Variants in DZIP1L observed in about 807,000 individuals in gnomAD.
DZIP1L encodes cilium assembly protein DZIP1L.
A neutral mutation model predicts 88.7 loss-of-function variants in DZIP1L; 90 were observed. The ratio of observed to expected loss-of-function variants is 1.02; its 90% CI spans 0.86 to 1.21. The LOEUF is 1.21. Among genes scored for constraint, DZIP1L ranks in the 50% most tolerant of loss-of-function variants. The pLI is 0.00. For missense variants in DZIP1L, 932 were observed against 955.8 expected, an observed-to-expected ratio of 0.98 and a Z score of 0.33; for synonymous variants, 363 against 372.1, an observed-to-expected ratio of 0.98 and a Z score of 0.28.
chr3:138,089,138 C>T (rs931301069), intron 5 of DZIP1L: 1 of 985,410 alleles, frequency 1.0e-6, no homozygotes, highest in Non-Finnish European at 1.2e-6. Flanking sequence ...CTGTATAAAA[C>T]TCATAAGCCC....
At chr3:138,071,352 G>A (rs1408980242) in intron 12 of DZIP1L, among the ~76,000 whole-genome samples, 1 of 152,192 alleles carries the variant, frequency 6.6e-6, no homozygotes, top group Non-Finnish European at 1.5e-5. Context: ...TGCTAAGGGA[G>A]GCAGCATGTC....
chr3:138,072,776 C>T (rs1943238620), intron 11 of DZIP1L, among the ~76,000 whole-genome samples: 1 of 152,254 alleles, frequency 6.6e-6, no homozygotes, highest in South Asian at 2.1e-4. Context: ...GGCAAGTTCC[C>T]AGCCCTGGTC....
intron 12 of DZIP1L, among the ~76,000 whole-genome samples, chr3:138,070,569 A>AT (rs1296806168): frequency 6.6e-6 from 1 of 152,234 alleles, no homozygotes; most frequent in East Asian, 1.9e-4. Flanking sequence ...ATGAGCTCAC[A>AT]GGATTGCTAT....
At position 138,071,775 on chromosome 3, in the gene DZIP1L, G is replaced by A. The variant is rs753058491; in HGVS notation, c.1483C>T (p.Arg495Trp). The A allele has an allele frequency of 5.3e-5, 86 of 1,613,982 alleles. 1 individual carries two copies. Among genetic ancestry groups the A allele is most frequent in the Admixed American group, 8.3e-5 (5 of 60,010 alleles). The change falls in exon 12 of 16, where the codon CGG (arginine) becomes TGG (tryptophan). Residue 495 changes from arginine (R) to tryptophan (W), a missense_variant. Transcript: ENST00000327532. ...RHLESLLRVQREQKARKFSEF... is the reference protein window; with the variant it reads ...RHLESLLRVQWEQKARKFSEF... ...GAAAACTTCCGGGCCTTCTGCTCCC[G>A]CTGGACTCTCAGCAGGGATTCCAGG...
intron 11 of DZIP1L, 90 bp from the exon 12 acceptor site, chr3:138,071,925 G>T: frequency 7.6e-7 from 1 of 1,307,648 alleles, no homozygotes; most frequent in East Asian, 2.5e-5. Context: ...GCTGGCCTGG[G>T]AGTCTGTGAT....
intron 3 of DZIP1L, among the ~76,000 whole-genome samples, chr3:138,095,296 TTGACAGTAC>T (rs202020792): frequency 0.019 from 2,965 of 152,276 alleles, 99 homozygotes; most frequent in African/African-American, 0.068. Flanking sequence ...AATAAGTATT[TTGACAGTAC>T]TGACACGTGG....
At chr3:138,069,637 C>T (rs774255465) in intron 12 of DZIP1L, among the ~76,000 whole-genome samples, 31 of 152,188 alleles carry the variant, frequency 2.0e-4, no homozygotes, top group Non-Finnish European at 4.0e-4. Flanking sequence ...ACTTTACATA[C>T]AACCACTTGG....
At chr3:138,111,239 G>A (rs1455676705) in intron 1 of DZIP1L, among the ~76,000 whole-genome samples, 1 of 152,242 alleles carries the variant, frequency 6.6e-6, no homozygotes, top group Non-Finnish European at 1.5e-5. Context: ...GGGTCTTGAA[G>A]TAATGGGGCT....
rs750543921 is a variant in DZIP1L at position 138,092,509 on chromosome 3, A to T, written c.744T>A (p.Ala248=). The T allele has an allele frequency of 1.2e-6, 2 of 1,603,468 alleles. No individual in the cohort carries two copies. The highest frequency in any genetic ancestry group is 2.7e-5 in the African/African-American group (2 of 74,484). The change falls in exon 5 of 16, where the codon GCT becomes GCA. Residue 248 remains alanine (A), a synonymous_variant. Transcript: ENST00000327532. ...AELIHQREIE[A]KKEFDKWKEQ... The stretch of plus-strand genomic sequence containing the variant: ...CTTTCCATTTATCAAATTCTTTCTT[A>T]GCTTCTATTTCCCTCTGATGAATGA...
At chr3:138,069,765 C>A (rs761668675) in intron 12 of DZIP1L, among the ~76,000 whole-genome samples, 4 of 152,164 alleles carry the variant, frequency 2.6e-5, no homozygotes, top group Non-Finnish European at 2.9e-5. Context: ...GGGCCCTCAC[C>A]GCTACTTCCC....
chr3:138,105,737 C>A (rs934920087), intron 1 of DZIP1L, among the ~76,000 whole-genome samples: 1 of 151,710 alleles, frequency 6.6e-6, no homozygotes, highest in African/African-American at 2.4e-5. Context: ...TATATATACA[C>A]CCATACACAC....
intron 12 of DZIP1L, among the ~76,000 whole-genome samples, chr3:138,069,886 GA>G (rs1167346766): frequency 6.6e-6 from 1 of 152,152 alleles, no homozygotes; most frequent in Non-Finnish European, 1.5e-5. Flanking sequence ...GAGCTGGAAG[GA>G]AAGGTCTACA....
intron 3 of DZIP1L, among the ~76,000 whole-genome samples, chr3:138,095,694 A>T (rs1944439311): frequency 6.6e-6 from 1 of 152,036 alleles, no homozygotes. Flanking sequence ...AGGCAAAAGA[A>T]TCGCTTGAAC....
At chr3:138,075,122 T>G (rs372118798) in intron 11 of DZIP1L, among the ~76,000 whole-genome samples, 8 of 152,274 alleles carry the variant, frequency 5.3e-5, no homozygotes, top group South Asian at 4.1e-4. Context: ...TAAATATATA[T>G]GCACCTAACA....
chr3:138,085,126 A>C (rs763585019), intron 7 of DZIP1L, among the ~76,000 whole-genome samples: 5 of 152,206 alleles, frequency 3.3e-5, no homozygotes, highest in Non-Finnish European at 7.3e-5. Context: ...TAAAGTCTTA[A>C]ACGTTAGACC....
Position 138,094,963 on chromosome 3 carries a change from G to C in DZIP1L, c.607C>G (p.Gln203Glu), listed in dbSNP as rs1282885844. The C allele has an allele frequency of 4.3e-6, 7 of 1,614,100 alleles. No individual in the cohort carries two copies. The highest frequency in any genetic ancestry group is 5.9e-6 in the Non-Finnish European group (7 of 1,180,052). The change falls in exon 4 of 16, where the codon CAG becomes GAG. Residue 203 changes from glutamine (Q) to glutamate (E), a missense_variant. Coordinates refer to ENST00000327532, the MANE Select transcript of DZIP1L (RefSeq NM_173543.3). ...AEGGKQKKQE[Q>E]PVEEVLEELR... ...TCTTCTAACACCTCTTCCACTGGCT[G>C]TTCCTGTTTCTTCTGTTTTCCTGTG... is the stretch of plus-strand genomic sequence containing the variant.
intron 9 of DZIP1L, 60 bp from the exon 10 acceptor site, chr3:138,080,680 G>C: frequency 6.4e-7 from 1 of 1,573,426 alleles, no homozygotes. Flanking sequence ...CTGACTAGAA[G>C]AAAAGTACAG....
intron 14 of DZIP1L, among the ~76,000 whole-genome samples, chr3:138,065,987 T>C (rs1942879945): frequency 6.6e-6 from 1 of 152,224 alleles, no homozygotes. Context: ...ACCATGACAG[T>C]TAGCTCAGGT....
intron 3 of DZIP1L, among the ~76,000 whole-genome samples, chr3:138,095,833 A>G (rs902451569): frequency 2.6e-5 from 4 of 152,176 alleles, no homozygotes; most frequent in Non-Finnish European, 2.9e-5. Flanking sequence ...CATGTATTAT[A>G]AAGAACCAAA....
Sources: gnomAD v4.1 joint callset for allele counts (sites outside exome capture counted in the v4.1 genomes callset) on GRCh38, gnomAD v4.1.1 for gene constraint, MANE v1.5 for transcripts, NCBI Gene and HGNC (gene_info 2026-07-23, HGNC 2026-07-21) for gene names.